The following STAT4 variants were observed in gnomAD, a reference collection of about 807,000 sequenced individuals.
The protein encoded by STAT4 is signal transducer and activator of transcription 4.
STAT4 carries 42 observed loss-of-function variants against 110.5 expected under a neutral mutation model. The observed-to-expected ratio is 0.38, with a 90% CI of 0.30 to 0.49. The LOEUF (loss-of-function observed/expected upper bound fraction) is 0.49, where lower values mean the gene tolerates loss of function less well. STAT4 is among the 20% of genes least tolerant of loss of function. STAT4 has a pLI of 0.95. For synonymous variants in STAT4, 284 were observed against 302.2 expected, an observed-to-expected ratio of 0.94 and a Z score of 0.63; for missense variants, 632 against 887.9, an observed-to-expected ratio of 0.71 and a Z score of 3.66.
chr2:191,100,897 C>T (rs112718974), intron 3 of STAT4, among the ~76,000 whole-genome samples: 70 of 152,098 alleles, frequency 4.6e-4, no homozygotes, highest in African/African-American at 1.6e-3. Flanking sequence ...TTTGTGGTGA[C>T]ATGGTTTACC....
chr2:191,148,208 TA>T lies in STAT4; in HGVS notation c.-1-5del. 2.5e-6 allele frequency: 4 copies of T among 1,612,998 alleles called. No homozygotes were observed. The highest frequency in any genetic ancestry group is 3.4e-6 in the Non-Finnish European group (4 of 1,179,500). On this transcript the variant is annotated splice_region_variant and splice_polypyrimidine_tract_variant and intron_variant, in intron 1 of 23. Coordinates refer to ENST00000392320, the MANE Select transcript of STAT4 (RefSeq NM_003151.4). The stretch of plus-strand genomic sequence containing the variant: ...GACTTGATTCCACTGAGACATGCTA[TA>T]AAAGAAGGTGTAGAATTAGAGTTTT...
rs1270102292 is a variant in STAT4 at position 191,150,446 on chromosome 2, C to CT, written c.-2+500dup. On this transcript the variant is annotated intron_variant, in intron 1 of 23. Coordinates refer to ENST00000392320, the MANE Select transcript of STAT4 (RefSeq NM_003151.4). The surrounding 1 kb of genome is among the most constrained non-coding windows in gnomAD (Gnocchi z 6.4). ...CTAAAGGGGCATTTTGTCCCACCGT[C>CT]TGTGAGCTGGTGGTGCCGCTTTGGC... 2.6e-5 allele frequency among the ~76,000 whole-genome samples: 4 copies of CT among 152,214 alleles called. No homozygotes were observed. Among genetic ancestry groups the CT allele is most frequent in the African/African-American group, 9.7e-5 (4 of 41,448 alleles).
At position 191,130,787 on chromosome 2, in the gene STAT4, C is replaced by T. The variant is rs559875060; in HGVS notation, c.273+15826G>A. On this transcript the variant is annotated intron_variant, in intron 3 of 23. Transcript: ENST00000392320. ...TTTAAAAGCCTGTTATAATTTATAT[C>T]GCATTTCTATGTGTTTATAGTGGAA... 5.7e-4 allele frequency among the ~76,000 whole-genome samples: 86 copies of T among 151,630 alleles called. 2 individuals are homozygous for T. The highest frequency in any genetic ancestry group is 3.4e-3 in the Middle Eastern group (1 of 294).
chr2:191,124,231 C>T (rs1029136314), intron 3 of STAT4, among the ~76,000 whole-genome samples: 10 of 152,028 alleles, frequency 6.6e-5, no homozygotes, highest in Admixed American at 6.6e-4. Context: ...CGGAGGCTGG[C>T]GGATTGCGAG....
intron 3 of STAT4, among the ~76,000 whole-genome samples, chr2:191,098,318 G>A (rs1363180534): frequency 1.3e-5 from 2 of 152,196 alleles, no homozygotes; most frequent in East Asian, 3.8e-4. Flanking sequence ...GCACACGTGT[G>A]TTTACTGTGG....
Position 191,061,577 on chromosome 2 carries a change from G to C in STAT4, c.1034+152C>G. On this transcript the variant is annotated intron_variant, in intron 10 of 23. Coordinates refer to ENST00000392320, the MANE Select transcript of STAT4 (RefSeq NM_003151.4). The surrounding 1 kb of genome is among the most constrained non-coding windows in gnomAD (Gnocchi z 6.2). ...GCAGGGCTCTCATCTTCACATTTCT[G>C]TGGGTATTTCCCCAAGCTCAGAGCT... 2 of 751,694 alleles carry C rather than the reference G, an allele frequency of 2.7e-6. No homozygotes were observed. Among genetic ancestry groups the C allele is most frequent in the Non-Finnish European group, 4.6e-6 (2 of 431,194 alleles). 46.6% of individuals were successfully genotyped at this position (751,694 alleles called of 1,614,324 possible). A position where few individuals can be genotyped will look rare whatever the true frequency, so the allele number is the denominator to read the frequency against.
rs1696945623 is a variant in STAT4 at position 191,064,874 on chromosome 2, T to A, written c.715A>T (p.Lys239Ter). 6.2e-7 allele frequency: 1 copy of A among 1,613,442 alleles called. No homozygotes were observed. The highest frequency in any genetic ancestry group is 8.5e-7 in the Non-Finnish European group (1 of 1,179,668). Residue 239 changes from lysine to a stop codon, truncating the protein, a stop_gained, in exon 8 of 24, where the codon AAG becomes TAG. Transcript: ENST00000392320. LOFTEE classifies it high-confidence loss of function. Reference sequence around the variant, plus strand: ...ATGCAGGCGATTTGCTGCCGCCGCTTCCAGTCTTGCAGCTCTTCTATGAGC... The same window carrying A: ...ATGCAGGCGATTTGCTGCCGCCGCTACCAGTCTTGCAGCTCTTCTATGAGC... ...TMLIEELQDWKRRQQIACIGG... is the reference protein window; with the variant it reads ...TMLIEELQDW
In STAT4 at chr2:191,144,648, A is replaced by C. The variant is rs1264091133; in HGVS notation, c.273+1965T>G. Among the ~76,000 whole-genome samples, 1 of 152,070 alleles carries C rather than the reference A, an allele frequency of 6.6e-6. No individual in the cohort carries two copies. Among genetic ancestry groups the C allele is most frequent in the African/African-American group, 2.4e-5 (1 of 41,436 alleles). On this transcript the variant is annotated intron_variant, in intron 3 of 23. Transcript: ENST00000392320. This position sits in a 1 kb window ranked among gnomAD's most constrained non-coding sequence, Gnocchi z 4.7. ...GTGAAATAGAAGTGATGGTTTAACA[A>C]GGTTCGTCTGATACAACTGGCCAGA...
chr2:191,109,258 T>C (rs148040558), intron 3 of STAT4, among the ~76,000 whole-genome samples: 29 of 152,298 alleles, frequency 1.9e-4, no homozygotes, highest in African/African-American at 6.7e-4. Context: ...CAAAGAAACT[T>C]ATAAAATATA....
In STAT4 at chr2:191,066,293, G is replaced by C; in HGVS notation, c.630+137C>G. 4 of 745,574 alleles carry C rather than the reference G, an allele frequency of 5.4e-6. No homozygotes were observed. The highest frequency in any genetic ancestry group is 6.7e-6 in the Non-Finnish European group (3 of 448,618). The allele number at this position is 745,574 out of a possible 1,614,324, so 46.2% of individuals were successfully genotyped here. A position where few individuals can be genotyped will look rare whatever the true frequency, so the allele number is the denominator to read the frequency against. ...GAAGCATGGCAAACAGCGTGGGACTGTTCCTAGAAACCTTGCCGTTTCTTC... is the reference window on the plus strand; with the variant it reads ...GAAGCATGGCAAACAGCGTGGGACTCTTCCTAGAAACCTTGCCGTTTCTTC... On this transcript the variant is annotated intron_variant, in intron 7 of 23. Transcript: ENST00000392320. The surrounding 1 kb of genome is among the most constrained non-coding windows in gnomAD (Gnocchi z 4.3).
chr2:191,076,025 T>G lies in STAT4; in HGVS notation c.372+202A>C, dbSNP rs1574133058. The stretch of plus-strand genomic sequence containing the variant: ...CCACCATAGCCAACTAATTTTTAAT[T>G]TTTTTTTTTTTGGAGACAGGGTCTT... On this transcript the variant is annotated intron_variant, in intron 4 of 23. Transcript: ENST00000392320. 1.5e-4 allele frequency: 60 copies of G among 406,344 alleles called. 1 individual carries two copies. In the South Asian group the frequency reaches 2.2e-3, roughly 15 times the overall value. 25.2% of individuals were successfully genotyped at this position (406,344 alleles called of 1,614,324 possible).
At position 191,111,595 on chromosome 2, in the gene STAT4, G is replaced by A. The variant is rs374651880; in HGVS notation, c.273+35018C>T. ...GGGCCGAGTGTGATGGCTCATGCCT[G>A]TAATCCCAACACTTCGGGAGGCTGA... On this transcript the variant is annotated intron_variant, in intron 3 of 23. Coordinates refer to ENST00000392320, the MANE Select transcript of STAT4 (RefSeq NM_003151.4). Among the ~76,000 whole-genome samples the A allele has an allele frequency of 1.9e-4, 29 of 152,346 alleles. 1 individual carries two copies. The highest frequency in any genetic ancestry group is 6.5e-4 in the African/African-American group (27 of 41,570).
intron 3 of STAT4, among the ~76,000 whole-genome samples, chr2:191,134,475 T>C (rs1699125513): frequency 6.6e-6 from 1 of 152,100 alleles, no homozygotes; most frequent in African/African-American, 2.4e-5. Context: ...CTGCCACCCC[T>C]GGGGCCTAAA....
rs916750050 is a variant in STAT4, at chr2:191,082,195, TC to T, written c.274-5871del. On this transcript the variant is annotated intron_variant, in intron 3 of 23. Transcript: ENST00000392320. The surrounding 1 kb of genome is among the most constrained non-coding windows in gnomAD (Gnocchi z 4.7). ...CTTGTGAGCATCTTCCTTTCTTACA[TC>T]CTATAAAGGATTTTATTGTTGCTTT... Among the ~76,000 whole-genome samples the T allele has an allele frequency of 6.6e-6, 1 of 152,302 alleles. No individual in the cohort carries two copies. Among genetic ancestry groups the T allele is most frequent in the African/African-American group, 2.4e-5 (1 of 41,568 alleles).
In STAT4 at chr2:191,083,947, G is replaced by A. The variant is rs114220669; in HGVS notation, c.274-7622C>T. 3.2e-3 allele frequency among the ~76,000 whole-genome samples: 481 copies of A among 152,180 alleles called. 2 individuals carry two copies. The highest frequency in any genetic ancestry group is 0.011 in the African/African-American group (439 of 41,510). On this transcript the variant is annotated intron_variant, in intron 3 of 23. Coordinates refer to ENST00000392320, the MANE Select transcript of STAT4 (RefSeq NM_003151.4). The surrounding 1 kb of genome is among the most constrained non-coding windows in gnomAD (Gnocchi z 4.6). ...TTAGACATTTGGCCTAAATTAGTCC[G>A]TCTTTGATAGGTGTTTTAAGATATA...
chr2:191,060,492 T>C lies in STAT4; in HGVS notation c.1034+1237A>G, dbSNP rs1241023656. 1.3e-5 allele frequency among the ~76,000 whole-genome samples: 2 copies of C among 152,210 alleles called. No homozygotes were observed. The highest frequency in any genetic ancestry group is 2.9e-5 in the Non-Finnish European group (2 of 68,024). ...GAAGTGCAGTGGCGTGAGTGCAGTG[T>C]ACTGCAACCTCTACCTACTGGGTTC... On this transcript the variant is annotated intron_variant, in intron 10 of 23. Transcript: ENST00000392320. This position sits in a 1 kb window ranked among gnomAD's most constrained non-coding sequence, Gnocchi z 4.5.
Position 191,066,323 on chromosome 2 carries a change from A to G in STAT4, c.630+107T>C, listed in dbSNP as rs1696984867. On this transcript the variant is annotated intron_variant, in intron 7 of 23. Coordinates refer to ENST00000392320, the MANE Select transcript of STAT4 (RefSeq NM_003151.4). This position sits in a 1 kb window ranked among gnomAD's most constrained non-coding sequence, Gnocchi z 4.3. ...TAGAAACCTTGCCGTTTCTTCATTC[A>G]GTAAATGGAACTGATAAAATCTGAC... 2.0e-6 allele frequency: 2 copies of G among 987,496 alleles called. No homozygotes were observed. Among genetic ancestry groups the G allele is most frequent in the Non-Finnish European group, 1.5e-6 (1 of 652,668 alleles). The allele number at this position is 987,496 out of a possible 1,614,324, so 61.2% of individuals were successfully genotyped here.
chr2:191,118,080 C>T (rs750766851), intron 3 of STAT4, among the ~76,000 whole-genome samples: 37 of 152,180 alleles, frequency 2.4e-4, no homozygotes, highest in Non-Finnish European at 4.4e-4. Flanking sequence ...TTATACCACT[C>T]AGGTTGATGA....
At position 191,053,843 on chromosome 2, in the gene STAT4, T is replaced by C. The variant is rs1199395224; in HGVS notation, c.1251+647A>G. On this transcript the variant is annotated intron_variant, in intron 14 of 23. Coordinates refer to ENST00000392320, the MANE Select transcript of STAT4 (RefSeq NM_003151.4). The surrounding 1 kb of genome is among the most constrained non-coding windows in gnomAD (Gnocchi z 4.5). Reference sequence around the variant, plus strand: ...TATTTAAAATTATGGAAAACTGTTCTCCGGGCTGGGCACGGTGGCTCACGC... The same window carrying C: ...TATTTAAAATTATGGAAAACTGTTCCCCGGGCTGGGCACGGTGGCTCACGC... Among the ~76,000 whole-genome samples, 1 of 152,160 alleles carries C rather than the reference T, an allele frequency of 6.6e-6. No individual in the cohort carries two copies. Among genetic ancestry groups the C allele is most frequent in the East Asian group, 1.9e-4 (1 of 5,198 alleles).
Sources: allele counts gnomAD v4.1 joint callset (sites outside exome capture counted in the v4.1 genomes callset), GRCh38; gene constraint gnomAD v4.1.1; non-coding constraint Gnocchi (gnomAD v3.1); transcripts MANE v1.5; gene names NCBI Gene and HGNC (gene_info 2026-07-23, HGNC 2026-07-21).